PIK3C2G: variants seen among roughly 807,000 people sequenced by gnomAD.
PIK3C2G encodes the protein phosphatidylinositol 3-kinase C2 domain-containing subunit gamma.
PIK3C2G carries 168 observed loss-of-function variants against 181.1 expected under a neutral mutation model. The observed-to-expected ratio is 0.93, with a 90% CI of 0.82 to 1.05. PIK3C2G has a LOEUF of 1.05. PIK3C2G is among the 50% of genes least tolerant of loss of function. PIK3C2G has a pLI of 0.00. For synonymous variants in PIK3C2G, 573 were observed against 592.2 expected (o/e 0.97, Z 0.47); for missense variants, 1,869 against 1,732.8 (o/e 1.08, Z -1.40).
intron 26 of PIK3C2G, among the ~76,000 whole-genome samples, chr12:18,549,531 G>A (rs1421112328): frequency 6.6e-6 from 1 of 151,896 alleles, no homozygotes; most frequent in South Asian, 2.1e-4. Context: ...GAGACCCCAA[G>A]GAAGTTAAAT....
chr12:18,584,275 C>A (rs1212909480), intron 29 of PIK3C2G, among the ~76,000 whole-genome samples: 2 of 152,006 alleles, frequency 1.3e-5, no homozygotes, highest in Admixed American at 6.6e-5. Context: ...CCTGCCTTGG[C>A]CTTCCAAAGT....
intron 26 of PIK3C2G, among the ~76,000 whole-genome samples, chr12:18,552,965 A>G (rs1255407105): frequency 1.3e-5 from 2 of 152,112 alleles, no homozygotes; most frequent in East Asian, 3.9e-4. Flanking sequence ...AGCATTTGAA[A>G]AGTTTAATGT....
intron 8 of PIK3C2G, among the ~76,000 whole-genome samples, chr12:18,325,427 G>C (rs551133880): frequency 6.6e-6 from 1 of 152,258 alleles, no homozygotes; most frequent in East Asian, 1.9e-4. Flanking sequence ...GGGGAGTAGA[G>C]ATAACTTTCG....
At chr12:18,675,022 C>T in the PIK3C2G span, among the ~76,000 whole-genome samples, 5 of 152,094 alleles carry the variant, frequency 3.3e-5, no homozygotes, top group East Asian at 1.9e-4. Context: ...CTTCCAAAGA[C>T]GGCAATAGTC....
At chr12:18,302,531 T>C (rs1950218113) in intron 5 of PIK3C2G, among the ~76,000 whole-genome samples, 1 of 152,176 alleles carries the variant, frequency 6.6e-6, no homozygotes, top group Non-Finnish European at 1.5e-5. Flanking sequence ...TGGGCACTGA[T>C]GACAGGCATT....
At chr12:18,555,041 A>G (rs1055892443) in intron 26 of PIK3C2G, among the ~76,000 whole-genome samples, 1 of 151,700 alleles carries the variant, frequency 6.6e-6, no homozygotes, top group Non-Finnish European at 1.5e-5. Flanking sequence ...ATGAACTTAC[A>G]GTATCAGTGG....
chr12:18,520,170 G>A (rs576349544), intron 24 of PIK3C2G, among the ~76,000 whole-genome samples: 9 of 152,042 alleles, frequency 5.9e-5, no homozygotes, highest in South Asian at 4.2e-4. Flanking sequence ...CATTTCAACC[G>A]TGGAGAATCT....
intron 8 of PIK3C2G, among the ~76,000 whole-genome samples, chr12:18,330,834 A>C (rs1157486019): frequency 6.6e-6 from 1 of 152,114 alleles, no homozygotes; most frequent in Non-Finnish European, 1.5e-5. Flanking sequence ...CCTGTCTGTG[A>C]CTGGTTGTTG....
intron 31 of PIK3C2G, among the ~76,000 whole-genome samples, chr12:18,639,292 T>G (rs796467277): frequency 8.5e-5 from 13 of 152,292 alleles, no homozygotes; most frequent in African/African-American, 3.1e-4. Context: ...TACACGTTTT[T>G]TTGAGTTCTG....
intron 24 of PIK3C2G, among the ~76,000 whole-genome samples, chr12:18,530,867 C>T (rs574027884): frequency 6.6e-6 from 1 of 152,236 alleles, no homozygotes; most frequent in East Asian, 1.9e-4. Flanking sequence ...GCCTCCTGTA[C>T]AGCTGGTAGA....
chr12:18,684,135 T>G, the PIK3C2G span: 1 of 1,611,424 alleles, frequency 6.2e-7, no homozygotes, highest in Non-Finnish European at 8.5e-7. Context: ...ATTACCTTTG[T>G]TCATGCATAG....
chr12:18,525,921 ACT>A (rs1943201127), intron 24 of PIK3C2G, among the ~76,000 whole-genome samples: 1 of 152,176 alleles, frequency 6.6e-6, no homozygotes, highest in Non-Finnish European at 1.5e-5. Flanking sequence ...TTGTTTAAAC[ACT>A]CTATAAGTTT....
the PIK3C2G span, among the ~76,000 whole-genome samples, chr12:18,687,420 AGG>A: frequency 6.6e-6 from 1 of 152,164 alleles, no homozygotes; most frequent in African/African-American, 2.4e-5. Context: ...GTCTCCTTCA[AGG>A]TGATCCTGAC....
rs187188491 is a variant in PIK3C2G, at chr12:18,441,251, G to A, written c.2504+17212G>A. ...GGTCATCAAAAAAGCACTTTCAATC[G>A]AGTAGAGGTAAAACCTGATGGGAAT... On this transcript the variant is annotated intron_variant, in intron 18 of 32. Coordinates refer to ENST00000538779, the MANE Select transcript of PIK3C2G (RefSeq NM_001288772.2). 8.5e-5 allele frequency among the ~76,000 whole-genome samples: 13 copies of A among 152,178 alleles called. No homozygotes were observed. In the South Asian group the frequency reaches 2.3e-3, roughly 27 times the overall value.
intron 22 of PIK3C2G, among the ~76,000 whole-genome samples, chr12:18,501,594 T>G (rs1446362786): frequency 1.3e-5 from 2 of 152,198 alleles, no homozygotes; most frequent in Non-Finnish European, 2.9e-5. Flanking sequence ...CACATATTAC[T>G]CTATGTACAC....
intron 11 of PIK3C2G, among the ~76,000 whole-genome samples, chr12:18,356,910 G>A (rs761225268): frequency 2.0e-4 from 30 of 151,510 alleles, no homozygotes; most frequent in Admixed American, 8.5e-4. Context: ...ACATTCAAGC[G>A]GGAAAACAGG....
At chr12:18,542,770 T>G (rs1487764414) in intron 25 of PIK3C2G, among the ~76,000 whole-genome samples, 1 of 152,014 alleles carries the variant, frequency 6.6e-6, no homozygotes. Context: ...TAGTATTCTA[T>G]GGTGTATATG....
intron 18 of PIK3C2G, among the ~76,000 whole-genome samples, chr12:18,482,093 CT>C (rs1939615109): frequency 6.6e-6 from 1 of 152,152 alleles, no homozygotes; most frequent in South Asian, 2.1e-4. Context: ...TTCAACCCAT[CT>C]TGTCCAATTT....
chr12:18,667,436 A>G, the PIK3C2G span, among the ~76,000 whole-genome samples: 1 of 152,204 alleles, frequency 6.6e-6, no homozygotes. Context: ...CTCCAGAGTC[A>G]ATATTATAGT....
Sources: allele counts gnomAD v4.1 joint callset (sites outside exome capture counted in the v4.1 genomes callset), GRCh38; gene constraint gnomAD v4.1.1; transcripts MANE v1.5; gene names NCBI Gene and HGNC (gene_info 2026-07-23, HGNC 2026-07-21).